UBE2E1: variants seen among roughly 807,000 people sequenced by gnomAD.
UBE2E1 encodes the protein ubiquitin-conjugating enzyme E2 E1.
UBE2E1 carries 6 observed loss-of-function variants against 21.4 expected under a neutral mutation model. That is an observed-to-expected ratio of 0.28 (90% confidence interval 0.15 to 0.55). The LOEUF is 0.55. UBE2E1 is among the 20% of genes least tolerant of loss of function. The probability of loss-of-function intolerance (pLI) is 0.93; values close to 1 mark genes in which losing one functional copy is unlikely to be tolerated. For synonymous variants in UBE2E1, 87 were observed against 82.7 expected (o/e 1.05, Z -0.28); for missense variants, 142 against 236.5 (o/e 0.60, Z 2.62).
At chr3:23,834,676 C>A (rs931265307) in intron 3 of UBE2E1, among the ~76,000 whole-genome samples, 6 of 152,072 alleles carry the variant, frequency 3.9e-5, no homozygotes, top group Non-Finnish European at 5.9e-5. Context: ...CTGCAGTGGG[C>A]TGTGATTGCA....
rs1225833746 is a variant in UBE2E1, at chr3:23,876,069, C to T, written c.204-11498C>T. Among the ~76,000 whole-genome samples, 1 of 152,190 alleles carries T rather than the reference C, an allele frequency of 6.6e-6. No individual in the cohort carries two copies. The highest frequency in any genetic ancestry group is 2.4e-5 in the African/African-American group (1 of 41,448). The stretch of plus-strand genomic sequence containing the variant: ...TACAGGCGTGAGCCACTGTGCCCAG[C>T]CAAATATGTGAATTCTTGTGTGTGG... On this transcript the variant is annotated intron_variant, in intron 3 of 5. Transcript: ENST00000306627. This position sits in a 1 kb window ranked among gnomAD's most constrained non-coding sequence, Gnocchi z 4.3.
intron 2 of UBE2E1, 23 bp downstream of exon 2, chr3:23,807,444 CA>C: frequency 6.3e-7 from 1 of 1,595,816 alleles, no homozygotes. Flanking sequence ...TTTTTTTTTC[CA>C]CAGGCTTCCT....
chr3:23,849,302 T>C (rs918478256), intron 3 of UBE2E1, among the ~76,000 whole-genome samples: 11 of 152,186 alleles, frequency 7.2e-5, no homozygotes, highest in African/African-American at 2.7e-4. Flanking sequence ...GTTGTTTCAT[T>C]GTGTCTTTGA....
At chr3:23,855,817 A>G (rs1263549673) in intron 3 of UBE2E1, among the ~76,000 whole-genome samples, 1 of 151,936 alleles carries the variant, frequency 6.6e-6, no homozygotes, top group African/African-American at 2.4e-5. Context: ...GCGACAGAGT[A>G]AGACTCCGTC....
At position 23,816,764 on chromosome 3, in the gene UBE2E1, G is replaced by A. The variant is rs1335464259; in HGVS notation, c.203+5254G>A. On this transcript the variant is annotated intron_variant, in intron 3 of 5. Coordinates refer to ENST00000306627, the MANE Select transcript of UBE2E1 (RefSeq NM_003341.5). The surrounding 1 kb of genome is among the most constrained non-coding windows in gnomAD (Gnocchi z 4.8). ...AGAACCAAAAAGACAAATAGCGTATGATTCCACTTACATGAAATACCTAGA... is the reference window on the plus strand; with the variant it reads ...AGAACCAAAAAGACAAATAGCGTATAATTCCACTTACATGAAATACCTAGA... 6.6e-6 allele frequency among the ~76,000 whole-genome samples: 1 copy of A among 152,122 alleles called. No homozygotes were observed. Among genetic ancestry groups the A allele is most frequent in the Non-Finnish European group, 1.5e-5 (1 of 68,016 alleles).
chr3:23,867,887 A>C (rs1004223543), intron 3 of UBE2E1, among the ~76,000 whole-genome samples: 1 of 152,212 alleles, frequency 6.6e-6, no homozygotes, highest in Admixed American at 6.5e-5. Context: ...TCATAAGGCC[A>C]AAATCTGTCC....
At chr3:23,840,093 T>C (rs752268251) in intron 3 of UBE2E1, among the ~76,000 whole-genome samples, 8 of 152,190 alleles carry the variant, frequency 5.3e-5, no homozygotes, top group Admixed American at 1.3e-4. Flanking sequence ...TTAATTTCAG[T>C]ATATGTTTAA....
At chr3:23,890,434 C>G in intron 5 of UBE2E1, 75 bp from the exon 6 acceptor site, 1 of 1,429,564 alleles carries the variant, frequency 7.0e-7, no homozygotes, top group African/African-American at 1.4e-5. Flanking sequence ...CGTATCTACC[C>G]AAGCTGTCAC....
chr3:23,852,743 G>A (rs1319323012), intron 3 of UBE2E1, among the ~76,000 whole-genome samples: 4 of 151,778 alleles, frequency 2.6e-5, no homozygotes, highest in Admixed American at 6.6e-5. Flanking sequence ...TTACAGGCAC[G>A]TGCCACTGCA....
At chr3:23,841,969 A>G (rs1700095317) in intron 3 of UBE2E1, among the ~76,000 whole-genome samples, 1 of 152,120 alleles carries the variant, frequency 6.6e-6, no homozygotes. Flanking sequence ...AGAGGGCAAA[A>G]TGGGATAATC....
chr3:23,854,432 T>G (rs541242806), intron 3 of UBE2E1, among the ~76,000 whole-genome samples: 1 of 152,278 alleles, frequency 6.6e-6, no homozygotes, highest in South Asian at 2.1e-4. Context: ...AGTCTCAAAA[T>G]GAAGTCAACC....
intron 3 of UBE2E1, among the ~76,000 whole-genome samples, chr3:23,864,378 C>T (rs1312874012): frequency 6.6e-6 from 1 of 152,092 alleles, no homozygotes; most frequent in African/African-American, 2.4e-5. Context: ...TGGACCTCCT[C>T]TCTGTTTACC....
intron 3 of UBE2E1, among the ~76,000 whole-genome samples, chr3:23,835,154 A>G (rs1575818126): frequency 1.3e-5 from 2 of 152,194 alleles, no homozygotes; most frequent in East Asian, 3.8e-4. Flanking sequence ...CTTGGCTGCT[A>G]TCTCAGTTAC....
chr3:23,861,120 T>A (rs756404850), intron 3 of UBE2E1, among the ~76,000 whole-genome samples: 14 of 152,306 alleles, frequency 9.2e-5, no homozygotes, highest in Non-Finnish European at 1.9e-4. Flanking sequence ...AATGTAGACA[T>A]CTTATTTGTA....
At chr3:23,838,191 C>T (rs916248517) in intron 3 of UBE2E1, among the ~76,000 whole-genome samples, 1 of 152,104 alleles carries the variant, frequency 6.6e-6, no homozygotes, top group Non-Finnish European at 1.5e-5. Context: ...CCTCAGCCTC[C>T]TAAGTAGCTG....
rs779076809 is a variant in UBE2E1 at position 23,890,674 on chromosome 3, G to A, written c.*68G>A. The stretch of plus-strand genomic sequence containing the variant: ...GAGAGCTGCTTATGATTTTGAAGGG[G>A]TCAGGGAGGGTGGGAGTTGGTAAAG... On this transcript the variant is annotated 3_prime_UTR_variant, in exon 6 of 6. Coordinates refer to ENST00000306627, the MANE Select transcript of UBE2E1 (RefSeq NM_003341.5). 1.2e-5 allele frequency: 14 copies of A among 1,202,768 alleles called. No individual in the cohort carries two copies. Among genetic ancestry groups the A allele is most frequent in the Non-Finnish European group, 1.7e-5 (14 of 841,876 alleles). 74.5% of individuals were successfully genotyped at this position (1,202,768 alleles called of 1,614,324 possible). A position where few individuals can be genotyped will look rare whatever the true frequency, so the allele number is the denominator to read the frequency against.
intron 3 of UBE2E1, among the ~76,000 whole-genome samples, chr3:23,821,451 A>G (rs562489707): frequency 7.7e-4 from 118 of 152,346 alleles, no homozygotes; most frequent in Non-Finnish European, 1.4e-3. Flanking sequence ...ATTTTTCTCA[A>G]TAATGCTTTA....
rs55941535 is a variant in UBE2E1 at position 23,842,198 on chromosome 3, G to GGTGTGTGTGTGTGTGTGTGT, written c.203+30720_203+30739dup. ...TATGTCATGACCCAGTAAGTGAAGG[G>GGTGTGTGTGTGTGTGTGTGT]GTGTGTGTGTGTGTGTGTGTGTGTG... On this transcript the variant is annotated intron_variant, in intron 3 of 5. Transcript: ENST00000306627. This position sits in a 1 kb window ranked among gnomAD's most constrained non-coding sequence, Gnocchi z 4.6. Among the ~76,000 whole-genome samples the GGTGTGTGTGTGTGTGTGTGT allele has an allele frequency of 1.3e-4, 14 of 104,350 alleles. No individual in the cohort carries two copies. The highest frequency in any genetic ancestry group is 2.2e-4 in the African/African-American group (6 of 27,700). The allele number at this position is 104,350 out of a possible 152,430, so 68.5% of individuals were successfully genotyped here.
At chr3:23,840,290 T>C (rs1240375717) in intron 3 of UBE2E1, among the ~76,000 whole-genome samples, 1 of 152,260 alleles carries the variant, frequency 6.6e-6, no homozygotes, top group Non-Finnish European at 1.5e-5. Flanking sequence ...TTTCTATTGA[T>C]TGGTTTTTTA....
Sources: gnomAD v4.1 joint callset for allele counts (sites outside exome capture counted in the v4.1 genomes callset) on GRCh38, gnomAD v4.1.1 for gene constraint, Gnocchi (gnomAD v3.1) non-coding constraint, MANE v1.5 for transcripts, NCBI Gene and HGNC (gene_info 2026-07-23, HGNC 2026-07-21) for gene names.